KIAA0930: variants seen among roughly 807,000 people sequenced by gnomAD.
KIAA0930 encodes KIAA0930.
KIAA0930 carries 24 observed loss-of-function variants against 43.9 expected under a neutral mutation model. That is an observed-to-expected ratio of 0.55 (90% CI 0.40 to 0.77). The LOEUF (loss-of-function observed/expected upper bound fraction) is 0.77. Ranked by LOEUF, KIAA0930 falls within the 30% of genes least tolerant of loss-of-function variation. KIAA0930 has a pLI of 0.00. For synonymous variants in KIAA0930, 259 were observed against 216.4 expected, an observed-to-expected ratio of 1.20 and a Z score of -1.73; for missense variants, 461 against 574.2, an observed-to-expected ratio of 0.80 and a Z score of 2.02.
intron 1 of KIAA0930, among the ~76,000 whole-genome samples, chr22:45,229,279 A>C (rs897399451): frequency 5.3e-4 from 7 of 13,166 alleles, no homozygotes; most frequent in Middle Eastern, 0.062. Flanking sequence ...ATCCCTCTCC[A>C]CCCCCGCCAT....
At chr22:45,220,946 C>T (rs1174753688) in intron 1 of KIAA0930, among the ~76,000 whole-genome samples, 2 of 149,790 alleles carry the variant, frequency 1.3e-5, no homozygotes, top group East Asian at 2.0e-4. Context: ...CCCATCCTGG[C>T]CTGTATCACC....
At chr22:45,205,959 C>A in intron 2 of KIAA0930, 47 bp from the exon 3 acceptor site, 1 of 1,603,196 alleles carries the variant, frequency 6.2e-7, no homozygotes. Flanking sequence ...CACTGTGGTG[C>A]TCTTCTTCTT....
chr22:45,200,941 A>T (rs548884931), intron 7 of KIAA0930: 12 of 494,220 alleles, frequency 2.4e-5, no homozygotes, highest in African/African-American at 1.9e-4. Context: ...TTGAAGGACG[A>T]GTAGGAGTTC....
At chr22:45,202,301 T>C (rs1165316512) in intron 7 of KIAA0930, among the ~76,000 whole-genome samples, 1 of 152,250 alleles carries the variant, frequency 6.6e-6, no homozygotes, top group Admixed American at 6.5e-5. Flanking sequence ...CAAAGGCTTC[T>C]GGGAACAAAG....
At position 45,192,439 on chromosome 22, in the gene KIAA0930, A is replaced by C. The variant is rs545664102; in HGVS notation, c.*4737T>G. 6.6e-6 allele frequency: 1 copy of C among 152,374 alleles called. No homozygotes were observed. Among genetic ancestry groups the C allele is most frequent in the Non-Finnish European group, 1.5e-5 (1 of 68,042 alleles). 9.4% of individuals were successfully genotyped at this position (152,374 alleles called of 1,614,324 possible). A position where few individuals can be genotyped will look rare whatever the true frequency, so the allele number is the denominator to read the frequency against. Reference sequence around the variant, plus strand: ...TGGCAATCAGCATACTGAGCTATCCAGTGGAGGCCAGCATCGTGTTTTTGC... The same window carrying C: ...TGGCAATCAGCATACTGAGCTATCCCGTGGAGGCCAGCATCGTGTTTTTGC... On this transcript the variant is annotated 3_prime_UTR_variant, in exon 10 of 10. Transcript: ENST00000336156.
At chr22:45,227,613 G>A (rs867554520) in intron 1 of KIAA0930, among the ~76,000 whole-genome samples, 12 of 152,238 alleles carry the variant, frequency 7.9e-5, no homozygotes, top group Middle Eastern at 6.8e-3. Flanking sequence ...CACCCCTCAC[G>A]TCACCGGGCT....
At chr22:45,205,419 G>T in intron 4 of KIAA0930, 101 bp from the exon 5 acceptor site, 1 of 1,080,254 alleles carries the variant, frequency 9.3e-7, no homozygotes, top group Non-Finnish European at 1.4e-6. Context: ...CCCAGAGCCA[G>T]TCCAAAGCCA....
At chr22:45,237,336 G>A (rs1470376395) in intron 1 of KIAA0930, among the ~76,000 whole-genome samples, 2 of 152,250 alleles carry the variant, frequency 1.3e-5, no homozygotes, top group Non-Finnish European at 2.9e-5. Flanking sequence ...CCTCCCACAA[G>A]GCAGGGATCA....
At chr22:45,236,498 G>A (rs1413481380) in intron 1 of KIAA0930, among the ~76,000 whole-genome samples, 3 of 152,078 alleles carry the variant, frequency 2.0e-5, no homozygotes, top group Admixed American at 6.6e-5. Flanking sequence ...CATGGGCCAC[G>A]CTGGTGGCTC....
chr22:45,228,781 CA>C (rs1182049815), intron 1 of KIAA0930, among the ~76,000 whole-genome samples: 13 of 71,198 alleles, frequency 1.8e-4, no homozygotes, highest in Admixed American at 9.0e-4. Flanking sequence ...CCATCCCCCC[CA>C]ACCACCAAAC....
At chr22:45,198,469 G>A (rs1472490064) in intron 8 of KIAA0930, among the ~76,000 whole-genome samples, 2 of 152,226 alleles carry the variant, frequency 1.3e-5, no homozygotes, top group African/African-American at 2.4e-5. Context: ...GTTCACACAA[G>A]AGCAGGTCGA....
chr22:45,226,347 C>A, intron 1 of KIAA0930: 2 of 471,088 alleles, frequency 4.2e-6, no homozygotes, highest in Non-Finnish European at 8.8e-6. Flanking sequence ...GTATCCAGTT[C>A]TGTGGGCCTG....
chr22:45,204,482 A>G (rs2083617898), intron 5 of KIAA0930, among the ~76,000 whole-genome samples: 2 of 152,174 alleles, frequency 1.3e-5, no homozygotes, highest in Non-Finnish European at 2.9e-5. Flanking sequence ...CCGAGGCCAC[A>G]AAGACTTAGA....
rs539437661 is a variant in KIAA0930, at chr22:45,209,608, C to T, written c.216+2348G>A. ...CCCGCCAGATGTCACCTTCTGCACT[C>T]CCCCCACCACCGCCGCCCTGCTCCT... On this transcript the variant is annotated intron_variant, in intron 2 of 9. Transcript: ENST00000336156. Among the ~76,000 whole-genome samples, 480 of 152,264 alleles carry T rather than the reference C, an allele frequency of 3.2e-3. 3 individuals carry two copies. Among genetic ancestry groups the T allele is most frequent in the Non-Finnish European group, 4.0e-3 (270 of 68,000 alleles).
At chr22:45,233,180 G>A (rs1012305524) in intron 1 of KIAA0930, among the ~76,000 whole-genome samples, 1 of 152,098 alleles carries the variant, frequency 6.6e-6, no homozygotes, top group Non-Finnish European at 1.5e-5. Context: ...CCCAGACAGA[G>A]GGAACGAATG....
chr22:45,220,054 A>G (rs982138427), intron 1 of KIAA0930, among the ~76,000 whole-genome samples: 2 of 152,174 alleles, frequency 1.3e-5, no homozygotes, highest in African/African-American at 4.8e-5. Context: ...ATTACAGGCT[A>G]ATCTCACAGA....
Position 45,194,381 on chromosome 22 carries a change from T to C in KIAA0930, c.*2795A>G, listed in dbSNP as rs2083517906. 6.6e-6 allele frequency: 1 copy of C among 152,124 alleles called. No homozygotes were observed. The highest frequency in any genetic ancestry group is 1.5e-5 in the Non-Finnish European group (1 of 68,040). 9.4% of individuals were successfully genotyped at this position (152,124 alleles called of 1,614,324 possible). On this transcript the variant is annotated 3_prime_UTR_variant, in exon 10 of 10. Coordinates refer to ENST00000336156, the MANE Select transcript of KIAA0930 (RefSeq NM_001009880.2). ...TGAGCCACTGCGCCCAGCCCCAATA[T>C]GTCTTAAAGGGGGTTTGGGATTAAA... is the stretch of plus-strand genomic sequence containing the variant.
At chr22:45,231,265 C>T (rs987778691) in intron 1 of KIAA0930, among the ~76,000 whole-genome samples, 2 of 151,826 alleles carry the variant, frequency 1.3e-5, no homozygotes, top group African/African-American at 4.8e-5. Context: ...AGGTTGAGCC[C>T]ATTTCTTTGG....
chr22:45,202,762 C>G, intron 7 of KIAA0930: 1 of 487,142 alleles, frequency 2.1e-6, no homozygotes, highest in Non-Finnish European at 3.6e-6. Flanking sequence ...CACAGCCCTC[C>G]AGGTCTGCAA....
Sources: allele counts gnomAD v4.1 joint callset (sites outside exome capture counted in the v4.1 genomes callset), GRCh38; gene constraint gnomAD v4.1.1; transcripts MANE v1.5; gene names NCBI Gene and HGNC (gene_info 2026-07-23, HGNC 2026-07-21).